Variants in ZNF597 observed in about 807,000 individuals in gnomAD.
ZNF597 encodes the protein zinc finger protein 597.
Under a neutral mutation model 7.3 loss-of-function variants are expected in ZNF597, and 5 were observed. The ratio of observed to expected loss-of-function variants is 0.68; its 90% CI spans 0.36 to 1.44. The LOEUF (loss-of-function observed/expected upper bound fraction) is 1.44. Ranked by LOEUF, ZNF597 falls within the 40% of genes most tolerant of loss-of-function variation. The probability of loss-of-function intolerance (pLI) is 0.04; values close to 1 mark genes in which losing one functional copy is unlikely to be tolerated. For missense variants in ZNF597, 585 were observed against 517.9 expected (o/e 1.13, Z -1.26); for synonymous variants, 209 against 185.4 (o/e 1.13, Z -1.04).
chr16:3,442,289 G>C (rs970525043), intron 2 of ZNF597, among the ~76,000 whole-genome samples: 1 of 151,804 alleles, frequency 6.6e-6, no homozygotes, highest in Non-Finnish European at 1.5e-5. Context: ...ATTCCAGAAA[G>C]TCACTTTTAA....
Position 3,437,436 on chromosome 16 carries a change from G to A in ZNF597, c.263C>T (p.Pro88Leu). The A allele has an allele frequency of 2.5e-6, 4 of 1,614,176 alleles. No homozygotes were observed. The highest frequency in any genetic ancestry group is 3.4e-6 in the Non-Finnish European group (4 of 1,180,034). The change falls in exon 4 of 4, where the codon CCT (proline) becomes CTT (leucine). Residue 88 changes from proline to leucine, a missense_variant. Coordinates refer to ENST00000301744, the MANE Select transcript of ZNF597 (RefSeq NM_152457.3). ...ATCCTCAGAGGATTTTTCTGGGTAAGGGACAAGGGGTGCAGCAATGGGGTA... is the reference window on the plus strand; with the variant it reads ...ATCCTCAGAGGATTTTTCTGGGTAAAGGACAAGGGGTGCAGCAATGGGGTA... ...EKYPIAAPLV[P>L]YPEKSSEDGV...
At position 3,436,729 on chromosome 16, in the gene ZNF597, G is replaced by A. The variant is rs200879821; in HGVS notation, c.970C>T (p.Arg324Cys). ...AAATTGTCCCCATCATCGCTGCAGC[G>A]TTCAGAGTCCTCGTCGTGGCTCTTC... ...SEKSHDEDSE[R>C]CSDDGDNFFS... The change falls in exon 4 of 4, where the codon CGC becomes TGC. Residue 324 changes from arginine to cysteine, a missense_variant. Coordinates refer to ENST00000301744, the MANE Select transcript of ZNF597 (RefSeq NM_152457.3). 1.9e-5 allele frequency: 31 copies of A among 1,614,066 alleles called. No homozygotes were observed. Among genetic ancestry groups the A allele is most frequent in the East Asian group, 1.8e-4 (8 of 44,886 alleles).
chr16:3,442,979 G>T, intron 2 of ZNF597, 142 bp downstream of exon 2: 1 of 969,234 alleles, frequency 1.0e-6, no homozygotes, highest in South Asian at 1.4e-5. Context: ...GTCTTGGAAC[G>T]AAGAACACTT....
At chr16:3,438,603 A>T (rs977935051) in intron 3 of ZNF597, among the ~76,000 whole-genome samples, 1 of 152,006 alleles carries the variant, frequency 6.6e-6, no homozygotes, top group Non-Finnish European at 1.5e-5. Flanking sequence ...AAAAAAGAAA[A>T]AAAAGCAATC....
rs536753137 is a variant in ZNF597, at chr16:3,442,680, A to G, written c.33+441T>C. Reference sequence around the variant, plus strand: ...ACAGAGCGAGACTCTGTATCAAAAAAAAAAAAAAAAGAACTTTTAAAAGTA... The same window carrying G: ...ACAGAGCGAGACTCTGTATCAAAAAGAAAAAAAAAAGAACTTTTAAAAGTA... On this transcript the variant is annotated intron_variant, in intron 2 of 3. Coordinates refer to ENST00000301744, the MANE Select transcript of ZNF597 (RefSeq NM_152457.3). Among the ~76,000 whole-genome samples the G allele has an allele frequency of 2.3e-3, 349 of 150,870 alleles. 2 individuals are homozygous for G. The highest frequency in any genetic ancestry group is 3.8e-3 in the Non-Finnish European group (255 of 67,294).
At position 3,437,200 on chromosome 16, in the gene ZNF597, C is replaced by T. The variant is rs376980997; in HGVS notation, c.499G>A (p.Asp167Asn). The T allele has an allele frequency of 6.8e-6, 11 of 1,614,164 alleles. No homozygotes were observed. Among genetic ancestry groups the T allele is most frequent in the African/African-American group, 2.7e-5 (2 of 75,028 alleles). The change falls in exon 4 of 4, where the codon GAT becomes AAT. Residue 167 changes from aspartate (D) to asparagine (N), a missense_variant. Physicochemically the swap from Asp to Asn is conservative, Grantham distance 23. Coordinates refer to ENST00000301744, the MANE Select transcript of ZNF597 (RefSeq NM_152457.3). ...KCPECDQNFS[D>N]HSYLVLHQKI... ...TGATGCAAAACTAGGTATGAATGAT[C>T]GCTGAAGTTTTGGTCACACTCAGGA...
chr16:3,438,366 T>C (rs993979795), intron 3 of ZNF597, among the ~76,000 whole-genome samples: 3 of 151,916 alleles, frequency 2.0e-5, no homozygotes, highest in African/African-American at 7.3e-5. Flanking sequence ...AAGACCATCC[T>C]GGCTAACACG....
chr16:3,439,933 G>A (rs1256778682), intron 3 of ZNF597, among the ~76,000 whole-genome samples: 2 of 152,048 alleles, frequency 1.3e-5, no homozygotes, highest in African/African-American at 4.8e-5. Flanking sequence ...GCAGACAGAA[G>A]ACAACATGAA....
chr16:3,437,650 T>C, intron 3 of ZNF597, 112 bp from the exon 4 acceptor site: 2 of 1,435,500 alleles, frequency 1.4e-6, no homozygotes, highest in Non-Finnish European at 1.8e-6. Flanking sequence ...AGAAGGGTTA[T>C]TCTATAACCC....
At chr16:3,442,864 C>CA (rs1279328367) in intron 2 of ZNF597, among the ~76,000 whole-genome samples, 1 of 152,116 alleles carries the variant, frequency 6.6e-6, no homozygotes, top group African/African-American at 2.4e-5. Context: ...CAAAACAAAA[C>CA]AAACAGATAA....
Position 3,437,082 on chromosome 16 carries a change from T to C in ZNF597, c.617A>G (p.His206Arg), listed in dbSNP as rs770121839. ...RANLRTHRRI[H>R]TGEKPYKCAK... ...ACACTTATAAGGTTTCTCACCAGTATGGATTCTCCTGTGTGTCCTCAGGTT... is the reference window on the plus strand; with the variant it reads ...ACACTTATAAGGTTTCTCACCAGTACGGATTCTCCTGTGTGTCCTCAGGTT... Residue 206 changes from histidine to arginine, a missense_variant, in exon 4 of 4, where the codon CAT becomes CGT. By Grantham distance (29) the His-to-Arg change is conservative. Coordinates refer to ENST00000301744, the MANE Select transcript of ZNF597 (RefSeq NM_152457.3). The C allele has an allele frequency of 3.7e-5, 60 of 1,614,200 alleles. No homozygotes were observed. Among genetic ancestry groups the C allele is most frequent in the Non-Finnish European group, 4.8e-5 (57 of 1,180,046 alleles).
rs937881086 is a variant in ZNF597 at position 3,437,303 on chromosome 16, G to C, written c.396C>G (p.Leu132=). The change falls in exon 4 of 4, where the codon CTC becomes CTG. Residue 132 remains leucine (L), a synonymous_variant. Coordinates refer to ENST00000301744, the MANE Select transcript of ZNF597 (RefSeq NM_152457.3). ...TIENHTPLVE[L]SEYLGTNTLS... Reference sequence around the variant, plus strand: ...GTGTGTTGGTTCCTAAATATTCAGAGAGTTCTACTAATGGGGTGTGGTTTT... The same window carrying C: ...GTGTGTTGGTTCCTAAATATTCAGACAGTTCTACTAATGGGGTGTGGTTTT... 4 of 1,614,202 alleles carry C rather than the reference G, an allele frequency of 2.5e-6. No individual in the cohort carries two copies. Among genetic ancestry groups the C allele is most frequent in the Non-Finnish European group, 3.4e-6 (4 of 1,180,044 alleles).
At chr16:3,438,791 C>CT (rs1033553168) in intron 3 of ZNF597, among the ~76,000 whole-genome samples, 1 of 152,148 alleles carries the variant, frequency 6.6e-6, no homozygotes, top group African/African-American at 2.4e-5. Flanking sequence ...GCTGACAAAA[C>CT]TAACATTCCT....
chr16:3,437,996 G>T (rs1425861652), intron 3 of ZNF597, among the ~76,000 whole-genome samples: 1 of 152,184 alleles, frequency 6.6e-6, no homozygotes, highest in Non-Finnish European at 1.5e-5. Context: ...GGAAGCTGAG[G>T]TGGGAGCATC....
rs779802564 is a variant in ZNF597, at chr16:3,440,862, C to A, written c.105G>T (p.Gln35His). The A allele has an allele frequency of 8.1e-6, 13 of 1,613,986 alleles. No individual in the cohort carries two copies. In the African/African-American group the frequency reaches 1.6e-4, roughly 20 times the overall value. Residue 35 changes from glutamine to histidine, a missense_variant, in exon 3 of 4, where the codon CAG becomes CAT. Physicochemically the swap from Gln to His is conservative, Grantham distance 24 (BLOSUM62 0). Coordinates refer to ENST00000301744, the MANE Select transcript of ZNF597 (RefSeq NM_152457.3). The stretch of plus-strand genomic sequence containing the variant: ...TTGTACCATCTTTGCTGAGGGACCT[C>A]TGGGCAGGGTGCAGAGTCACGCACT... The part of the protein sequence containing the change: ...QEECVTLHPA[Q>H]RSLSKDGTKE...
In ZNF597 at chr16:3,436,334, A is replaced by G; in HGVS notation, c.*90T>C. ...ACATGGGAATGTGTGTAAAGTGCTTAGCACATTGCCTGGGACATATACAGT... is the reference window on the plus strand; with the variant it reads ...ACATGGGAATGTGTGTAAAGTGCTTGGCACATTGCCTGGGACATATACAGT... On this transcript the variant is annotated 3_prime_UTR_variant, in exon 4 of 4. Transcript: ENST00000301744. 1 of 1,242,522 alleles carries G rather than the reference A, an allele frequency of 8.0e-7. No individual in the cohort carries two copies. Among genetic ancestry groups the G allele is most frequent in the East Asian group, 2.4e-5 (1 of 41,330 alleles). 77.0% of individuals were successfully genotyped at this position (1,242,522 alleles called of 1,614,324 possible). A position where few individuals can be genotyped will look rare whatever the true frequency, so the allele number is the denominator to read the frequency against.
intron 3 of ZNF597, among the ~76,000 whole-genome samples, chr16:3,438,758 C>T (rs1302307128): frequency 6.6e-6 from 1 of 152,170 alleles, no homozygotes; most frequent in Non-Finnish European, 1.5e-5. Flanking sequence ...ATGAAAATAA[C>T]AGCCAATCTA....
chr16:3,439,098 G>C (rs574341190), intron 3 of ZNF597, among the ~76,000 whole-genome samples: 8 of 152,138 alleles, frequency 5.3e-5, no homozygotes, highest in Non-Finnish European at 1.2e-4. Flanking sequence ...CTTTCCTGAG[G>C]CTAGGTACAG....
At chr16:3,438,764 A>T (rs2150933403) in intron 3 of ZNF597, among the ~76,000 whole-genome samples, 1 of 152,280 alleles carries the variant, frequency 6.6e-6, no homozygotes, top group East Asian at 1.9e-4. Flanking sequence ...ATAACAGCCA[A>T]TCTACTTACA....
Sources: gnomAD v4.1 joint callset for allele counts (sites outside exome capture counted in the v4.1 genomes callset) on GRCh38, gnomAD v4.1.1 for gene constraint, MANE v1.5 for transcripts, NCBI Gene and HGNC (gene_info 2026-07-23, HGNC 2026-07-21) for gene names.